Variants in CDH18 observed in about 807,000 individuals in gnomAD.
The protein encoded by CDH18 is cadherin 18, also known as cadherin-18.
In CDH18, 31 loss-of-function variants were observed where a neutral mutation model predicts 67.9. The observed-to-expected ratio is 0.46, with a 90% CI of 0.34 to 0.62. The LOEUF (loss-of-function observed/expected upper bound fraction) is 0.62, where lower values mean the gene tolerates loss of function less well. CDH18 is among the 20% of genes least tolerant of loss of function. The pLI is 0.01. For missense variants in CDH18, 890 were observed against 975.5 expected (o/e 0.91, Z 1.17); for synonymous variants, 362 against 347.2 (o/e 1.04, Z -0.48).
chr5:19,597,953 G>T (rs1290837631), intron 6 of CDH18, among the ~76,000 whole-genome samples: 1 of 151,980 alleles, frequency 6.6e-6, no homozygotes, highest in East Asian at 1.9e-4. Context: ...GTTCTAGTTT[G>T]TTAATTAGAA....
chr5:20,249,191 C>T (rs1743615732), intron 2 of CDH18, among the ~76,000 whole-genome samples: 1 of 152,070 alleles, frequency 6.6e-6, no homozygotes, highest in Non-Finnish European at 1.5e-5. Context: ...TGTGATCAAG[C>T]AAAATTCATT....
intron 2 of CDH18, among the ~76,000 whole-genome samples, chr5:20,202,050 C>G (rs1439369980): frequency 1.3e-5 from 2 of 152,072 alleles, no homozygotes; most frequent in African/African-American, 2.4e-5. Flanking sequence ...TTAATGTGGA[C>G]TAGGATTTAA....
At chr5:19,946,143 G>C (rs556376931) in intron 2 of CDH18, among the ~76,000 whole-genome samples, 39 of 152,168 alleles carry the variant, frequency 2.6e-4, no homozygotes, top group South Asian at 2.3e-3. Context: ...GAGAATACCA[G>C]TTTGAAAGAC....
chr5:19,834,454 T>A (rs1340911760), intron 3 of CDH18, among the ~76,000 whole-genome samples: 3 of 100,664 alleles, frequency 3.0e-5, no homozygotes, highest in Non-Finnish European at 6.8e-5. Context: ...TTTATTTTGT[T>A]AATTTTTTTC....
At chr5:19,781,883 T>A (rs76435003) in intron 3 of CDH18, among the ~76,000 whole-genome samples, 3,898 of 152,256 alleles carry the variant, frequency 0.026, 113 homozygotes, top group African/African-American at 0.077. Context: ...GTCAAAGGCA[T>A]CCTTAATTAA....
At chr5:20,288,863 C>A (rs2940440) in intron 1 of CDH18, among the ~76,000 whole-genome samples, 17,729 of 151,776 alleles carry the variant, frequency 0.12, 1,572 homozygotes, top group African/African-American at 0.24. Context: ...TTTTAAAATA[C>A]CTACAGTTAA....
chr5:20,077,138 A>G (rs1744015220), intron 2 of CDH18, among the ~76,000 whole-genome samples: 1 of 152,164 alleles, frequency 6.6e-6, no homozygotes, highest in Admixed American at 6.5e-5. Flanking sequence ...GACTTTATGA[A>G]AGAGAAAAGC....
At chr5:19,837,345 C>T (rs1000298578) in intron 3 of CDH18, among the ~76,000 whole-genome samples, 4 of 151,506 alleles carry the variant, frequency 2.6e-5, no homozygotes, top group South Asian at 2.1e-4. Flanking sequence ...CACCATGGCA[C>T]GTGTATACCT....
intron 2 of CDH18, among the ~76,000 whole-genome samples, chr5:19,942,891 A>C (rs1436122346): frequency 6.6e-6 from 1 of 152,138 alleles, no homozygotes; most frequent in African/African-American, 2.4e-5. Flanking sequence ...GTTAGGGCTT[A>C]ATTACTGGCA....
In CDH18 at chr5:19,571,731, A is replaced by G. The variant is rs776490068; in HGVS notation, c.1101T>C (p.Ala367=). Reference sequence around the variant, plus strand: ...CCCCAACAATGATCTTCAGCATAGTAGCATCTTTAAAAGGACCCAAGTGAG... The same window carrying G: ...CCCCAACAATGATCTTCAGCATAGTGGCATCTTTAAAAGGACCCAAGTGAG... ...RFSHLGPFKD[A]TMLKIIVGDV... The change falls in exon 8 of 13, where the codon GCT becomes GCC. Residue 367 remains alanine, a synonymous_variant. Coordinates refer to ENST00000382275, the MANE Select transcript of CDH18 (RefSeq NM_004934.5). 6.2e-7 allele frequency: 1 copy of G among 1,614,024 alleles called. No individual in the cohort carries two copies. Among genetic ancestry groups the G allele is most frequent in the East Asian group, 2.2e-5 (1 of 44,842 alleles).
chr5:20,133,490 C>A (rs985444602), intron 2 of CDH18, among the ~76,000 whole-genome samples: 1 of 152,134 alleles, frequency 6.6e-6, no homozygotes, highest in African/African-American at 2.4e-5. Flanking sequence ...ATGGGAGCTA[C>A]AATTCAAGAT....
intron 1 of CDH18, among the ~76,000 whole-genome samples, chr5:20,260,449 A>G (rs1440869296): frequency 6.6e-6 from 1 of 151,972 alleles, no homozygotes; most frequent in Non-Finnish European, 1.5e-5. Flanking sequence ...TTGATTTATA[A>G]GTTATACTGA....
intron 3 of CDH18, among the ~76,000 whole-genome samples, chr5:19,801,243 C>A (rs1777436795): frequency 6.6e-6 from 1 of 152,166 alleles, no homozygotes; most frequent in Non-Finnish European, 1.5e-5. Context: ...TTAGAAATTT[C>A]TTCCTCAGCA....
chr5:19,732,877 C>T (rs1171320133), intron 4 of CDH18, among the ~76,000 whole-genome samples: 1 of 152,128 alleles, frequency 6.6e-6, no homozygotes, highest in Non-Finnish European at 1.5e-5. Flanking sequence ...AAACTTGTTT[C>T]TTCTCACCTA....
intron 2 of CDH18, among the ~76,000 whole-genome samples, chr5:20,148,146 T>C (rs1208733471): frequency 6.6e-6 from 1 of 151,664 alleles, no homozygotes; most frequent in Non-Finnish European, 1.5e-5. Flanking sequence ...GGATGGAGTG[T>C]AGCGGTGCGA....
At chr5:19,600,288 G>A (rs150560548) in intron 6 of CDH18, among the ~76,000 whole-genome samples, 1,873 of 151,902 alleles carry the variant, frequency 0.012, 38 homozygotes, top group East Asian at 0.066. Flanking sequence ...ACATGCACAT[G>A]TATACATATG....
At chr5:20,273,243 G>A (rs1198759079) in intron 1 of CDH18, among the ~76,000 whole-genome samples, 1 of 151,934 alleles carries the variant, frequency 6.6e-6, no homozygotes, top group Admixed American at 6.6e-5. Flanking sequence ...AGACAATATG[G>A]TGCCTATAAA....
At chr5:19,519,701 T>C (rs1449155147) in intron 10 of CDH18, among the ~76,000 whole-genome samples, 1 of 152,160 alleles carries the variant, frequency 6.6e-6, no homozygotes, top group East Asian at 1.9e-4. Flanking sequence ...TCCTCTTATT[T>C]GCTTGATGAA....
chr5:19,518,483 G>C (rs1746374689), intron 10 of CDH18, among the ~76,000 whole-genome samples: 1 of 151,946 alleles, frequency 6.6e-6, no homozygotes, highest in Admixed American at 6.6e-5. Context: ...GACTAGGAGA[G>C]GCAGACCCAC....
Sources: gnomAD v4.1 joint callset for allele counts (sites outside exome capture counted in the v4.1 genomes callset) on GRCh38, gnomAD v4.1.1 for gene constraint, MANE v1.5 for transcripts, NCBI Gene and HGNC (gene_info 2026-07-23, HGNC 2026-07-21) for gene names.